Variants in SLC2A13 observed in about 807,000 individuals in gnomAD.
SLC2A13 encodes the protein solute carrier family 2 member 13.
Under a neutral mutation model 64.4 loss-of-function variants are expected in SLC2A13, and 32 were observed. The observed-to-expected ratio is 0.50, with a 90% CI of 0.37 to 0.67. The LOEUF (loss-of-function observed/expected upper bound fraction) is 0.67. Ranked by LOEUF, SLC2A13 falls within the 30% of genes least tolerant of loss-of-function variation. The pLI, the probability that SLC2A13 is intolerant of heterozygous loss-of-function variation, is 0.00. For synonymous variants in SLC2A13, 338 were observed against 327.1 expected (o/e 1.03, Z -0.36); for missense variants, 743 against 829.2 (o/e 0.90, Z 1.28).
chr12:40,072,995 T>C (rs898592216), intron 1 of SLC2A13, among the ~76,000 whole-genome samples: 2 of 152,140 alleles, frequency 1.3e-5, no homozygotes, highest in African/African-American at 4.8e-5. Context: ...TCTTCACTCC[T>C]TTCTCACCAC....
At chr12:39,837,137 C>G (rs1943029728) in intron 6 of SLC2A13, among the ~76,000 whole-genome samples, 1 of 120,230 alleles carries the variant, frequency 8.3e-6, no homozygotes, top group South Asian at 2.9e-4. Flanking sequence ...GGTACCAAAA[C>G]AGAGATATAG....
intron 3 of SLC2A13, among the ~76,000 whole-genome samples, chr12:40,007,285 T>TA (rs1323949451): frequency 2.6e-5 from 4 of 152,192 alleles, no homozygotes; most frequent in Admixed American, 1.3e-4. Context: ...ATATTTTCTA[T>TA]AAAAAACTTG....
chr12:40,058,042 C>CAGGT (rs1397952587), intron 1 of SLC2A13, among the ~76,000 whole-genome samples: 5 of 145,148 alleles, frequency 3.4e-5, no homozygotes, highest in Non-Finnish European at 6.0e-5. Context: ...AATTTCTCTC[C>CAGGT]AGATAGATAG....
chr12:39,874,602 C>G (rs1011186955), intron 4 of SLC2A13, among the ~76,000 whole-genome samples: 8 of 91,674 alleles, frequency 8.7e-5, no homozygotes, highest in African/African-American at 3.5e-4. Flanking sequence ...GCAACAAAAG[C>G]AAAACTCCAT....
At chr12:40,098,540 T>C (rs1040917383) in intron 1 of SLC2A13, among the ~76,000 whole-genome samples, 3 of 152,210 alleles carry the variant, frequency 2.0e-5, no homozygotes, top group Non-Finnish European at 2.9e-5. Flanking sequence ...ACAAAAGTAA[T>C]GTCCACATGA....
At chr12:39,890,856 T>C (rs1944588019) in intron 4 of SLC2A13, among the ~76,000 whole-genome samples, 2 of 152,044 alleles carry the variant, frequency 1.3e-5, no homozygotes, top group South Asian at 4.2e-4. Flanking sequence ...TAAAATAATA[T>C]GAGAAAATAG....
intron 7 of SLC2A13, among the ~76,000 whole-genome samples, chr12:39,804,125 G>A (rs1487284305): frequency 6.6e-6 from 1 of 151,456 alleles, no homozygotes. Flanking sequence ...AGAGTGGTGG[G>A]GAAAAAAACA....
At chr12:39,867,419 A>T (rs1353021038) in intron 5 of SLC2A13, among the ~76,000 whole-genome samples, 12 of 152,268 alleles carry the variant, frequency 7.9e-5, no homozygotes, top group Non-Finnish European at 5.9e-5. Context: ...TGGATGGGCC[A>T]CCATACTATA....
chr12:40,021,551 C>T (rs1269717244), intron 3 of SLC2A13, among the ~76,000 whole-genome samples: 2 of 152,130 alleles, frequency 1.3e-5, no homozygotes, highest in African/African-American at 2.4e-5. Flanking sequence ...TGTTTACCAG[C>T]CTAATACTTT....
At chr12:39,932,208 A>T (rs949712046) in intron 4 of SLC2A13, among the ~76,000 whole-genome samples, 4 of 150,964 alleles carry the variant, frequency 2.6e-5, no homozygotes, top group Admixed American at 1.3e-4. Flanking sequence ...GAAAATGGAT[A>T]TTTTTTTCCA....
intron 4 of SLC2A13, among the ~76,000 whole-genome samples, chr12:39,933,579 A>G (rs1467599000): frequency 6.6e-6 from 1 of 152,198 alleles, no homozygotes; most frequent in Non-Finnish European, 1.5e-5. Flanking sequence ...ATACTACTTA[A>G]CAGTAGTAGT....
chr12:40,029,721 C>T (rs960458893), intron 2 of SLC2A13, among the ~76,000 whole-genome samples: 1 of 152,110 alleles, frequency 6.6e-6, no homozygotes, highest in South Asian at 2.1e-4. Flanking sequence ...CAAACTTAAA[C>T]TACACATGGA....
intron 4 of SLC2A13, among the ~76,000 whole-genome samples, chr12:39,879,615 T>C (rs1400547812): frequency 1.3e-5 from 2 of 152,214 alleles, no homozygotes; most frequent in African/African-American, 4.8e-5. Context: ...TTGGCTGATT[T>C]CTCCCTTTTG....
intron 6 of SLC2A13, among the ~76,000 whole-genome samples, chr12:39,831,538 T>C (rs978599499): frequency 6.6e-6 from 1 of 152,202 alleles, no homozygotes; most frequent in African/African-American, 2.4e-5. Flanking sequence ...ACTTTTTTGA[T>C]TCATGTAACT....
intron 1 of SLC2A13, among the ~76,000 whole-genome samples, chr12:40,066,653 C>T (rs1592053774): frequency 6.6e-6 from 1 of 152,204 alleles, no homozygotes; most frequent in East Asian, 1.9e-4. Context: ...TTAATAAAAA[C>T]ACATAATTAT....
intron 4 of SLC2A13, among the ~76,000 whole-genome samples, chr12:39,903,713 A>G (rs1039774191): frequency 1.3e-5 from 2 of 152,130 alleles, no homozygotes; most frequent in Non-Finnish European, 2.9e-5. Flanking sequence ...GGCCCCAGAA[A>G]TGGAGACATC....
At chr12:39,940,283 G>T (rs901517473) in intron 4 of SLC2A13, among the ~76,000 whole-genome samples, 3 of 152,098 alleles carry the variant, frequency 2.0e-5, no homozygotes, top group African/African-American at 7.2e-5. Context: ...TCCTGGTTCA[G>T]ATTTACAACC....
Position 40,105,646 on chromosome 12 carries a change from C to CCGCGCT in SLC2A13, c.157_162dup (p.Ser53_Ala54dup). 6.7e-7 allele frequency: 1 copy of CCGCGCT among 1,490,266 alleles called. No homozygotes were observed. The highest frequency in any genetic ancestry group is 8.9e-7 in the Non-Finnish European group (1 of 1,123,444). The allele number at this position is 1,490,266 out of a possible 1,614,324, so 92.3% of individuals were successfully genotyped here. On this transcript the variant is annotated inframe_insertion, in exon 1 of 10. Coordinates refer to ENST00000280871, the MANE Select transcript of SLC2A13 (RefSeq NM_052885.4). This position sits in a 1 kb window ranked among gnomAD's most constrained non-coding sequence, Gnocchi z 4.2. ...TCCCCGACGCCGCCGCCGCCCGCGCCCGCGCTCTGCAGGCTGGTGCTCGAT... is the reference window on the plus strand; with the variant it reads ...TCCCCGACGCCGCCGCCGCCCGCGCCCGCGCTCGCGCTCTGCAGGCTGGTGCTCGAT...
In SLC2A13 at chr12:39,839,735, C is replaced by T. The variant is rs143762011; in HGVS notation, c.1320-9507G>A. Among the ~76,000 whole-genome samples, 932 of 152,154 alleles carry T rather than the reference C, an allele frequency of 6.1e-3. 11 individuals carry two copies. The highest frequency in any genetic ancestry group is 0.021 in the African/African-American group (884 of 41,514). ...GCTGGGAAATATCAACTTTACATGA[C>T]CATTGCTATAACCAATACACTGAGC... On this transcript the variant is annotated intron_variant, in intron 6 of 9. Transcript: ENST00000280871.
Sources: gnomAD v4.1 joint callset for allele counts (sites outside exome capture counted in the v4.1 genomes callset) on GRCh38, gnomAD v4.1.1 for gene constraint, Gnocchi (gnomAD v3.1) non-coding constraint, MANE v1.5 for transcripts, NCBI Gene and HGNC (gene_info 2026-07-23, HGNC 2026-07-21) for gene names.